Variants in MGA observed in about 807,000 individuals in gnomAD.
MGA encodes MAX gene-associated protein.
Under a neutral mutation model 261.1 loss-of-function variants are expected in MGA, and 40 were observed. The observed-to-expected ratio is 0.15, with a 90% CI of 0.12 to 0.20. The LOEUF is 0.20. Among genes scored for constraint, MGA ranks in the 10% least tolerant of loss-of-function variants. The pLI, the probability that MGA is intolerant of heterozygous loss-of-function variation, is 1.00. For missense variants in MGA, 3,397 were observed against 3,630.5 expected (o/e 0.94, Z 1.65); for synonymous variants, 1,302 against 1,290.6 (o/e 1.01, Z -0.19).
chr15:41,660,438 G>T lies in MGA; in HGVS notation c.-155G>T, dbSNP rs1176147925. The T allele has an allele frequency of 6.6e-6, 1 of 152,634 alleles. No individual in the cohort carries two copies. The highest frequency in any genetic ancestry group is 1.5e-5 in the Non-Finnish European group (1 of 68,052). The allele number at this position is 152,634 out of a possible 1,614,324, so 9.5% of individuals were successfully genotyped here. On this transcript the variant is annotated 5_prime_UTR_variant, in exon 1 of 24. Transcript: ENST00000219905. ...CGCGCGCGCAGGCTCTTCAGCTGGA[G>T]CGGACACACGGTGTGCGAACCGAAC...
intron 1 of MGA, among the ~76,000 whole-genome samples, chr15:41,644,851 G>A (rs1431991519): frequency 6.6e-6 from 1 of 152,144 alleles, no homozygotes; most frequent in African/African-American, 2.4e-5. Context: ...GAGATAATAC[G>A]TTAACCCAGG....
At chr15:41,656,373 T>TC (rs1566936596), upstream of MGA, among the ~76,000 whole-genome samples, 13 of 136,652 alleles carry the variant, frequency 9.5e-5, no homozygotes, top group South Asian at 2.5e-4. Context: ...TCTCTCTCTC[T>TC]CTCTCACACC....
At chr15:41,697,769 C>G (rs993416401) in intron 3 of MGA, among the ~76,000 whole-genome samples, 2 of 152,124 alleles carry the variant, frequency 1.3e-5, no homozygotes, top group African/African-American at 4.8e-5. Flanking sequence ...TATTAACAGT[C>G]ATCTTAACTC....
rs746401774 is a variant in MGA at position 41,750,346 on chromosome 15, A to G, written c.6739A>G (p.Ile2247Val). 1.9e-6 allele frequency: 3 copies of G among 1,613,964 alleles called. No individual in the cohort carries two copies. Among genetic ancestry groups the G allele is most frequent in the South Asian group, 1.1e-5 (1 of 91,082 alleles). The change falls in exon 17 of 24, where the codon ATT (isoleucine) becomes GTT (valine). Residue 2247 changes from isoleucine (I) to valine (V), a missense_variant. Ile to Val is a conservative substitution (Grantham distance 29, BLOSUM62 3). Transcript: ENST00000219905. ...AACTGAATGTGATTCTTGGAGTAGG[A>G]TTTCTAATCCTTCAGCCTTCTCCAT... is the stretch of plus-strand genomic sequence containing the variant.
intron 2 of MGA, among the ~76,000 whole-genome samples, chr15:41,694,775 G>A (rs970046382): frequency 2.0e-5 from 3 of 152,038 alleles, no homozygotes; most frequent in South Asian, 2.1e-4. Flanking sequence ...GCCTCCCAAA[G>A]CACTGGGATT....
intron 1 of MGA, among the ~76,000 whole-genome samples, chr15:41,668,413 C>T (rs1046298059): frequency 5.5e-4 from 83 of 152,076 alleles, no homozygotes; most frequent in African/African-American, 1.9e-3. Context: ...TTAATTTACT[C>T]ATCACTGGGG....
At chr15:41,716,702 T>C (rs949349934) in intron 9 of MGA, among the ~76,000 whole-genome samples, 2 of 152,166 alleles carry the variant, frequency 1.3e-5, no homozygotes, top group Non-Finnish European at 2.9e-5. Flanking sequence ...AATGATTGAG[T>C]GTAACCACTA....
At chr15:41,761,185 C>T (rs1482868357) in intron 20 of MGA, among the ~76,000 whole-genome samples, 1 of 152,168 alleles carries the variant, frequency 6.6e-6, no homozygotes, top group African/African-American at 2.4e-5. Context: ...GCACTTAGTA[C>T]AGGTTATCAC....
intron 1 of MGA, among the ~76,000 whole-genome samples, chr15:41,622,521 T>G (rs1054267844): frequency 5.3e-5 from 8 of 152,178 alleles, no homozygotes; most frequent in Admixed American, 3.9e-4. Flanking sequence ...CCATTTATAC[T>G]TTATAGGGGC....
intron 1 of MGA, among the ~76,000 whole-genome samples, chr15:41,637,462 T>A (rs183883170): frequency 2.6e-5 from 4 of 152,264 alleles, no homozygotes; most frequent in African/African-American, 9.6e-5. Flanking sequence ...AAAGTTAGCG[T>A]CAAAGGCAAC....
chr15:41,635,751 A>G (rs935168251), intron 1 of MGA, among the ~76,000 whole-genome samples: 25 of 152,326 alleles, frequency 1.6e-4, no homozygotes, highest in Admixed American at 9.2e-4. Flanking sequence ...CATGTGCCAC[A>G]TAATGATATT....
chr15:41,756,426 A>G (rs2063153081), intron 18 of MGA, among the ~76,000 whole-genome samples: 1 of 152,090 alleles, frequency 6.6e-6, no homozygotes, highest in Admixed American at 6.5e-5. Flanking sequence ...ACAGTTATCT[A>G]GGTGTGGAGC....
intron 20 of MGA, among the ~76,000 whole-genome samples, chr15:41,761,232 T>C (rs1179416921): frequency 6.6e-6 from 1 of 152,256 alleles, no homozygotes; most frequent in Non-Finnish European, 1.5e-5. Flanking sequence ...TTTAATATGC[T>C]TAACAGTTGA....
At chr15:41,686,004 CAAAA>C (rs34711774) in intron 2 of MGA, among the ~76,000 whole-genome samples, 1 of 129,088 alleles carries the variant, frequency 7.7e-6, no homozygotes, top group Non-Finnish European at 1.6e-5. Context: ...GACTCTGTCT[CAAAA>C]AAAAAAAAAA....
At position 41,766,311 on chromosome 15, in the gene MGA, A is replaced by G; in HGVS notation, c.8229A>G (p.Leu2743=). ...ATATGCAGAAAGCACAAGAGTTCTT[A>G]CCTAAAAAGATTTCTGGTGATATGA... The change falls in exon 24 of 24, where the codon TTA becomes TTG. Residue 2743 remains leucine, a synonymous_variant. Transcript: ENST00000219905. 6.2e-7 allele frequency: 1 copy of G among 1,613,930 alleles called. No individual in the cohort carries two copies. Among genetic ancestry groups the G allele is most frequent in the Non-Finnish European group, 8.5e-7 (1 of 1,179,846 alleles).
chr15:41,644,861 G>T (rs1238087778), intron 1 of MGA, among the ~76,000 whole-genome samples: 3 of 152,116 alleles, frequency 2.0e-5, no homozygotes, highest in Non-Finnish European at 4.4e-5. Context: ...GTTAACCCAG[G>T]TGTTTGCAAA....
intron 13 of MGA, among the ~76,000 whole-genome samples, chr15:41,738,780 A>G (rs1057494820): frequency 3.2e-4 from 48 of 152,204 alleles, no homozygotes; most frequent in African/African-American, 1.1e-3. Context: ...CTATTTCTGT[A>G]TAGCCTGAAA....
chr15:41,724,205 A>C (rs2061104369), intron 9 of MGA, among the ~76,000 whole-genome samples: 1 of 152,206 alleles, frequency 6.6e-6, no homozygotes. Flanking sequence ...TTTTTATTAA[A>C]TGTGTGGTAG....
chr15:41,621,648 T>G (rs1300741121), intron 1 of MGA: 1 of 149,960 alleles, frequency 6.7e-6, no homozygotes. Context: ...CCTGGTGGCG[T>G]GTTCTTGGCG....
Sources: allele counts gnomAD v4.1 joint callset (sites outside exome capture counted in the v4.1 genomes callset), GRCh38; gene constraint gnomAD v4.1.1; transcripts MANE v1.5; gene names NCBI Gene and HGNC (gene_info 2026-07-23, HGNC 2026-07-21).